The following QKI variants were observed in gnomAD, a reference collection of about 807,000 sequenced individuals.
The protein encoded by QKI is KH domain-containing RNA-binding protein QKI.
In QKI, 10 loss-of-function variants were observed where a neutral mutation model predicts 39.0. The ratio of observed to expected loss-of-function variants is 0.26; its 90% CI spans 0.16 to 0.43. The LOEUF is 0.43. QKI is among the 20% of genes least tolerant of loss of function. The pLI is 1.00. For synonymous variants in QKI, 204 were observed against 155.4 expected (o/e 1.31, Z -2.33); for missense variants, 218 against 428.0 (o/e 0.51, Z 4.33).
chr6:163,523,059 T>C (rs1198138632), intron 3 of QKI, among the ~76,000 whole-genome samples: 1 of 152,194 alleles, frequency 6.6e-6, no homozygotes. Flanking sequence ...TATATAACAT[T>C]AGGCTGTGAT....
intron 1 of QKI, among the ~76,000 whole-genome samples, chr6:163,440,910 A>G (rs771470636): frequency 1.3e-5 from 2 of 151,898 alleles, no homozygotes; most frequent in Non-Finnish European, 2.9e-5. Context: ...TATTCAGGTC[A>G]GTTCAATTTT....
chr6:163,523,431 C>A (rs535617343), intron 3 of QKI, among the ~76,000 whole-genome samples: 5 of 152,052 alleles, frequency 3.3e-5, no homozygotes, highest in African/African-American at 1.2e-4. Flanking sequence ...TAATAAATGT[C>A]TTTTAAGTGC....
Position 163,439,916 on chromosome 6 carries a change from C to T in QKI, c.143-15363C>T, listed in dbSNP as rs1376087997. Among the ~76,000 whole-genome samples, 4 of 152,156 alleles carry T rather than the reference C, an allele frequency of 2.6e-5. No individual in the cohort carries two copies. The South Asian group carries it at 8.3e-4, about 31-fold the overall frequency. On this transcript the variant is annotated intron_variant, in intron 1 of 7. Coordinates refer to ENST00000361752, the MANE Select transcript of QKI (RefSeq NM_006775.3). ...CTGCCTGCCTTGGCCTCCCAAAGTG[C>T]TGGAATTACAGACGTGAGCTACTGT... is the stretch of plus-strand genomic sequence containing the variant.
intron 2 of QKI, among the ~76,000 whole-genome samples, chr6:163,478,123 G>T (rs1167833511): frequency 6.6e-6 from 1 of 152,028 alleles, no homozygotes. Context: ...TCTGTTGAGG[G>T]ATGGTAATTT....
intron 6 of QKI, chr6:163,564,407 A>G: frequency 2.2e-6 from 3 of 1,347,468 alleles, no homozygotes; most frequent in Non-Finnish European, 2.9e-6. Flanking sequence ...GTTGTTGACC[A>G]AAATGTTGTT....
intron 1 of QKI, among the ~76,000 whole-genome samples, chr6:163,439,278 AAG>A (rs1179729679): frequency 6.6e-6 from 1 of 152,106 alleles, no homozygotes; most frequent in African/African-American, 2.4e-5. Flanking sequence ...GTTCAAGCGA[AAG>A]AATTTATTCT....
chr6:163,521,227 G>A (rs1780137921), intron 3 of QKI, among the ~76,000 whole-genome samples: 1 of 152,100 alleles, frequency 6.6e-6, no homozygotes, highest in Non-Finnish European at 1.5e-5. Flanking sequence ...TATACCTGCT[G>A]CCACCTGACT....
At chr6:163,490,193 A>G (rs1777966250) in intron 3 of QKI, among the ~76,000 whole-genome samples, 2 of 152,344 alleles carry the variant, frequency 1.3e-5, no homozygotes, top group African/African-American at 4.8e-5. Flanking sequence ...TTATTAAGTC[A>G]TCGAGTCTAA....
intron 3 of QKI, among the ~76,000 whole-genome samples, chr6:163,516,023 A>G (rs201972676): frequency 1.6e-4 from 24 of 151,006 alleles, no homozygotes; most frequent in Admixed American, 1.5e-3. Flanking sequence ...ATATAATCTG[A>G]TTATTTTTAA....
chr6:163,463,164 TAAC>T (rs1468820050), intron 2 of QKI, among the ~76,000 whole-genome samples: 11 of 152,184 alleles, frequency 7.2e-5, no homozygotes, highest in African/African-American at 2.7e-4. Context: ...TTTGAAAGAT[TAAC>T]AATAATGAGA....
intron 4 of QKI, among the ~76,000 whole-genome samples, chr6:163,547,843 G>T (rs1201388761): frequency 6.6e-6 from 1 of 151,922 alleles, no homozygotes; most frequent in Admixed American, 6.6e-5. Context: ...TCTACTTGAG[G>T]CCAAAACTAT....
chr6:163,503,553 C>T (rs575417423), intron 3 of QKI, among the ~76,000 whole-genome samples: 16 of 151,936 alleles, frequency 1.1e-4, no homozygotes, highest in African/African-American at 3.6e-4. Context: ...TTTTGCTGTG[C>T]GGAAACTCTT....
At chr6:163,566,401 G>C in intron 6 of QKI, 1 of 1,223,646 alleles carries the variant, frequency 8.2e-7, no homozygotes. Context: ...TGCAAGAAAG[G>C]CACTTCAGTG....
chr6:163,497,389 T>G (rs1478204163), intron 3 of QKI, among the ~76,000 whole-genome samples: 8 of 152,150 alleles, frequency 5.3e-5, no homozygotes, highest in Admixed American at 5.2e-4. Flanking sequence ...TTAAAATTGC[T>G]TTTAATAATT....
At chr6:163,452,847 C>T (rs1195226143) in intron 1 of QKI, among the ~76,000 whole-genome samples, 2 of 152,144 alleles carry the variant, frequency 1.3e-5, no homozygotes, top group Non-Finnish European at 2.9e-5. Flanking sequence ...CCTGCCTCAG[C>T]CTCCTGAGTA....
intron 2 of QKI, among the ~76,000 whole-genome samples, chr6:163,463,651 T>G (rs2128221284): frequency 6.6e-6 from 1 of 152,240 alleles, no homozygotes; most frequent in East Asian, 1.9e-4. Context: ...TCAAAACAAA[T>G]TCACGTGAGG....
chr6:163,553,067 TTTATTTA>T (rs1477060237), intron 4 of QKI, among the ~76,000 whole-genome samples: 34 of 5,132 alleles, frequency 6.6e-3, no homozygotes, highest in South Asian at 0.026. Flanking sequence ...TTAATTTTTA[TTTATTTA>T]TTTATTTATT....
intron 1 of QKI, among the ~76,000 whole-genome samples, chr6:163,452,697 A>G (rs1790661366): frequency 6.6e-6 from 1 of 152,116 alleles, no homozygotes; most frequent in South Asian, 2.1e-4. Flanking sequence ...ATAGATGCTT[A>G]TATATGAGGA....
intron 1 of QKI, among the ~76,000 whole-genome samples, chr6:163,441,843 G>C (rs1789782622): frequency 6.6e-6 from 1 of 152,174 alleles, no homozygotes; most frequent in Non-Finnish European, 1.5e-5. Context: ...CGGAGGTTAG[G>C]TTGGTTAAGG....
Sources: allele counts gnomAD v4.1 joint callset (sites outside exome capture counted in the v4.1 genomes callset), GRCh38; gene constraint gnomAD v4.1.1; transcripts MANE v1.5; gene names NCBI Gene and HGNC (gene_info 2026-07-23, HGNC 2026-07-21).